Variants in TNFSF4 observed in about 807,000 individuals in gnomAD.
The protein encoded by TNFSF4 is tumor necrosis factor ligand superfamily member 4.
In TNFSF4, 4 loss-of-function variants were observed where a neutral mutation model predicts 7.3. That is an observed-to-expected ratio of 0.55 (90% CI 0.27 to 1.25). TNFSF4 has a LOEUF of 1.25. TNFSF4 is among the 50% of genes most tolerant of loss of function. The probability of loss-of-function intolerance (pLI) is 0.12; values close to 1 mark genes in which losing one functional copy is unlikely to be tolerated. For synonymous variants in TNFSF4, 76 were observed against 83.7 expected, an observed-to-expected ratio of 0.91 and a Z score of 0.50; for missense variants, 181 against 208.8, an observed-to-expected ratio of 0.87 and a Z score of 0.82.
upstream of TNFSF4, among the ~76,000 whole-genome samples, chr1:173,210,449 G>A (rs538548492): frequency 6.6e-6 from 1 of 152,282 alleles, no homozygotes; most frequent in African/African-American, 2.4e-5. Flanking sequence ...TGAGGGCAGT[G>A]GAGCCTGTTT....
the TNFSF4 span, among the ~76,000 whole-genome samples, chr1:173,386,712 C>T: frequency 6.6e-6 from 1 of 152,188 alleles, no homozygotes; most frequent in Non-Finnish European, 1.5e-5. Flanking sequence ...ACTCCAACTC[C>T]GAGAGAAGCT....
the TNFSF4 span, among the ~76,000 whole-genome samples, chr1:173,248,655 T>G: frequency 6.6e-6 from 1 of 152,008 alleles, no homozygotes; most frequent in African/African-American, 2.4e-5. Context: ...GGATTATAAG[T>G]GGGTAGAGAA....
chr1:173,264,317 C>CTTTTT, the TNFSF4 span, among the ~76,000 whole-genome samples: 92 of 110,518 alleles, frequency 8.3e-4, no homozygotes, highest in African/African-American at 1.5e-3. Context: ...CTGGCTTCTT[C>CTTTTT]TTTTTTTTTT....
At chr1:173,307,508 T>C in the TNFSF4 span, among the ~76,000 whole-genome samples, 21 of 151,852 alleles carry the variant, frequency 1.4e-4, no homozygotes, top group African/African-American at 5.1e-4. Context: ...ATTCTGGCTT[T>C]GGAAAAAAAA....
the TNFSF4 span, among the ~76,000 whole-genome samples, chr1:173,244,786 A>G: frequency 6.6e-6 from 1 of 152,090 alleles, no homozygotes; most frequent in African/African-American, 2.4e-5. Context: ...GTTACTTTGT[A>G]CTATGTAGCT....
chr1:173,230,831 A>C, the TNFSF4 span, among the ~76,000 whole-genome samples: 5 of 152,208 alleles, frequency 3.3e-5, no homozygotes, highest in African/African-American at 1.2e-4. Context: ...ACGCAAATAA[A>C]CTAGAAAATC....
the TNFSF4 span, among the ~76,000 whole-genome samples, chr1:173,214,088 A>C: frequency 6.6e-6 from 1 of 152,232 alleles, no homozygotes; most frequent in South Asian, 2.1e-4. Context: ...ATAATTGATT[A>C]GGAATGAGGC....
the TNFSF4 span, among the ~76,000 whole-genome samples, chr1:173,349,341 TTGTTTAG>T: frequency 1.2e-4 from 18 of 152,338 alleles, no homozygotes; most frequent in Non-Finnish European, 1.5e-5. Flanking sequence ...TTGCTTGTTT[TTGTTTAG>T]TGTTTTACAA....
chr1:173,176,433 C>T, the TNFSF4 span, among the ~76,000 whole-genome samples: 3 of 151,978 alleles, frequency 2.0e-5, no homozygotes, highest in East Asian at 1.9e-4. Context: ...TCATCTCACA[C>T]GAGTCAGAAT....
the TNFSF4 span, among the ~76,000 whole-genome samples, chr1:173,337,726 G>C: frequency 2.6e-5 from 4 of 152,230 alleles, no homozygotes; most frequent in South Asian, 8.3e-4. Context: ...GAAATGGCCA[G>C]ACTTGTGATT....
At chr1:173,420,226 A>G in the TNFSF4 span, among the ~76,000 whole-genome samples, 3 of 152,160 alleles carry the variant, frequency 2.0e-5, no homozygotes. Flanking sequence ...AAAAAAAAGT[A>G]AAAAACAGTC....
the TNFSF4 span, among the ~76,000 whole-genome samples, chr1:173,394,216 T>A: frequency 2.7e-5 from 3 of 112,612 alleles, no homozygotes; most frequent in Admixed American, 9.4e-5. Context: ...ACTCCATCTT[T>A]AAAAAAAAAA....
chr1:173,325,614 G>A, the TNFSF4 span, among the ~76,000 whole-genome samples: 70 of 151,802 alleles, frequency 4.6e-4, 1 homozygote, highest in Middle Eastern at 3.4e-3. Flanking sequence ...TTGATAGACC[G>A]CTAGCAAGAC....
the TNFSF4 span, among the ~76,000 whole-genome samples, chr1:173,247,153 G>A: frequency 2.2e-4 from 33 of 152,168 alleles, no homozygotes; most frequent in Non-Finnish European, 2.6e-4. Context: ...CTTTTAAGAG[G>A]GGATTCTGAC....
chr1:173,200,928 A>G (rs1649917525), intron 1 of TNFSF4, among the ~76,000 whole-genome samples: 1 of 152,278 alleles, frequency 6.6e-6, no homozygotes, highest in South Asian at 2.1e-4. Flanking sequence ...TAGCATTTGC[A>G]TGTTATCAAG....
downstream of TNFSF4, among the ~76,000 whole-genome samples, chr1:173,180,762 T>C (rs1649042786): frequency 6.6e-6 from 1 of 152,198 alleles, no homozygotes; most frequent in Admixed American, 6.5e-5. Flanking sequence ...GTATATTTTA[T>C]CAATGCTACT....
At chr1:173,426,775 G>A in the TNFSF4 span, among the ~76,000 whole-genome samples, 135 of 151,962 alleles carry the variant, frequency 8.9e-4, no homozygotes, top group African/African-American at 3.0e-3. Context: ...TCATTTTTTT[G>A]TAGAGACAAG....
the TNFSF4 span, among the ~76,000 whole-genome samples, chr1:173,351,316 T>A: frequency 6.6e-6 from 1 of 152,218 alleles, no homozygotes; most frequent in Non-Finnish European, 1.5e-5. Context: ...AACCTAAGCA[T>A]CCCTATCCAA....
At chr1:173,384,597 T>C in the TNFSF4 span, among the ~76,000 whole-genome samples, 7 of 152,178 alleles carry the variant, frequency 4.6e-5, no homozygotes, top group Non-Finnish European at 1.5e-5. Context: ...TGCAGTGGTC[T>C]TCCCTCTACC....
Sources: gnomAD v4.1 joint callset for allele counts (sites outside exome capture counted in the v4.1 genomes callset) on GRCh38, gnomAD v4.1.1 for gene constraint, MANE v1.5 for transcripts, NCBI Gene and HGNC (gene_info 2026-07-23, HGNC 2026-07-21) for gene names.